NLGN1: variants seen among roughly 807,000 people sequenced by gnomAD.
NLGN1 encodes the protein neuroligin 1, also known as neuroligin-1.
NLGN1 carries 12 observed loss-of-function variants against 65.5 expected under a neutral mutation model. That is an observed-to-expected ratio of 0.18 (90% CI 0.12 to 0.30). NLGN1 has a LOEUF of 0.30. Ranked by LOEUF, NLGN1 falls within the 10% of genes least tolerant of loss-of-function variation. The pLI is 1.00. For synonymous variants in NLGN1, 350 were observed against 359.5 expected, an observed-to-expected ratio of 0.97 and a Z score of 0.30; for missense variants, 750 against 1,007.1, an observed-to-expected ratio of 0.74 and a Z score of 3.46.
chr3:173,721,537 C>T (rs1313236589), intron 3 of NLGN1, among the ~76,000 whole-genome samples: 1 of 152,100 alleles, frequency 6.6e-6, no homozygotes, highest in Non-Finnish European at 1.5e-5. Context: ...ATAATAGTAA[C>T]ACTAATTATA....
intron 2 of NLGN1, among the ~76,000 whole-genome samples, chr3:173,439,131 T>G (rs1718681393): frequency 1.3e-5 from 2 of 152,192 alleles, no homozygotes; most frequent in African/African-American, 4.8e-5. Flanking sequence ...GTCTGTTTAA[T>G]GCTTAGGCAA....
chr3:173,931,644 G>A (rs2152286950), intron 4 of NLGN1, among the ~76,000 whole-genome samples: 1 of 152,254 alleles, frequency 6.6e-6, no homozygotes, highest in South Asian at 2.1e-4. Context: ...AATAGAGTCA[G>A]AGAGTAGGAA....
intron 2 of NLGN1, among the ~76,000 whole-genome samples, chr3:173,453,988 T>C (rs1272675068): frequency 6.6e-6 from 1 of 152,220 alleles, no homozygotes; most frequent in Non-Finnish European, 1.5e-5. Context: ...ATAATAAGAC[T>C]TGAAAGTTGA....
At chr3:174,001,013 C>T (rs983816271) in intron 4 of NLGN1, among the ~76,000 whole-genome samples, 3 of 152,076 alleles carry the variant, frequency 2.0e-5, no homozygotes, top group Non-Finnish European at 4.4e-5. Flanking sequence ...ACTGCCTGTT[C>T]CCCACCCACC....
chr3:173,594,160 A>C (rs1319231237), intron 2 of NLGN1, among the ~76,000 whole-genome samples: 1 of 152,186 alleles, frequency 6.6e-6, no homozygotes, highest in Non-Finnish European at 1.5e-5. Flanking sequence ...AACTCATTCC[A>C]TAATTAACCA....
At chr3:174,146,727 C>T (rs561389434) in intron 4 of NLGN1, among the ~76,000 whole-genome samples, 5 of 152,034 alleles carry the variant, frequency 3.3e-5, no homozygotes, top group East Asian at 1.9e-4. Context: ...GCCACTGCGC[C>T]GGGCTAATTT....
At chr3:173,447,279 G>A (rs929868855) in intron 2 of NLGN1, among the ~76,000 whole-genome samples, 21 of 152,166 alleles carry the variant, frequency 1.4e-4, no homozygotes, top group South Asian at 6.2e-4. Context: ...AGCTTTCTAT[G>A]TATGGCTAGC....
chr3:173,741,546 G>A (rs1299795321), intron 3 of NLGN1, among the ~76,000 whole-genome samples: 1 of 152,058 alleles, frequency 6.6e-6, no homozygotes, highest in Non-Finnish European at 1.5e-5. Context: ...AGGTTGGAGT[G>A]CAGTGGCGCG....
chr3:173,980,564 T>C (rs370178310), intron 4 of NLGN1, among the ~76,000 whole-genome samples: 1 of 152,132 alleles, frequency 6.6e-6, no homozygotes, highest in East Asian at 1.9e-4. Flanking sequence ...TTCTTTCTTG[T>C]TGGATTGTTT....
At chr3:173,658,495 T>A (rs1371961811) in intron 3 of NLGN1, among the ~76,000 whole-genome samples, 1 of 152,020 alleles carries the variant, frequency 6.6e-6, no homozygotes, top group Non-Finnish European at 1.5e-5. Flanking sequence ...ATCTTTATAT[T>A]GAAGTTTTAT....
chr3:174,171,557 C>A (rs1023164056), intron 4 of NLGN1, among the ~76,000 whole-genome samples: 2 of 152,158 alleles, frequency 1.3e-5, no homozygotes, highest in Non-Finnish European at 2.9e-5. Context: ...TTAAAGAGAT[C>A]TTTAATGTTG....
At chr3:174,262,600 C>T (rs1472063945) in intron 4 of NLGN1, among the ~76,000 whole-genome samples, 40 of 151,202 alleles carry the variant, frequency 2.6e-4, no homozygotes, top group South Asian at 4.2e-4. Flanking sequence ...GTCTTGCTAG[C>T]GGTCTATCAA....
intron 4 of NLGN1, among the ~76,000 whole-genome samples, chr3:173,978,413 T>A (rs1718004523): frequency 6.6e-6 from 1 of 152,050 alleles, no homozygotes; most frequent in South Asian, 2.1e-4. Flanking sequence ...TATGCGAAGA[T>A]CCAAGTGCAG....
chr3:174,110,387 A>G (rs990186629), intron 4 of NLGN1, among the ~76,000 whole-genome samples: 2 of 151,840 alleles, frequency 1.3e-5, no homozygotes, highest in Non-Finnish European at 2.9e-5. Flanking sequence ...TGTTCGTTGT[A>G]TTTTTTCAGG....
At chr3:173,775,735 A>G (rs1236698428) in intron 3 of NLGN1, among the ~76,000 whole-genome samples, 1 of 152,156 alleles carries the variant, frequency 6.6e-6, no homozygotes. Flanking sequence ...GAAGTAGTTT[A>G]AAAACAATAA....
intron 3 of NLGN1, among the ~76,000 whole-genome samples, chr3:173,757,516 A>G: frequency 6.6e-6 from 1 of 152,054 alleles, no homozygotes; most frequent in Non-Finnish European, 1.5e-5. Context: ...TAAAATGTAG[A>G]ACATTATAGA....
At chr3:173,426,271 T>A (rs1350538082) in intron 1 of NLGN1, among the ~76,000 whole-genome samples, 4 of 152,150 alleles carry the variant, frequency 2.6e-5, no homozygotes, top group Non-Finnish European at 1.5e-5. Context: ...TTATGTCATC[T>A]GCAAACAAGG....
intron 3 of NLGN1, among the ~76,000 whole-genome samples, chr3:173,767,148 G>A (rs1778897523): frequency 1.3e-5 from 2 of 152,086 alleles, no homozygotes; most frequent in Non-Finnish European, 2.9e-5. Context: ...AACAAAAGAA[G>A]GGACTGGCGT....
intron 3 of NLGN1, among the ~76,000 whole-genome samples, chr3:173,718,648 T>G (rs1001621941): frequency 8.5e-5 from 13 of 152,142 alleles, no homozygotes; most frequent in African/African-American, 3.1e-4. Flanking sequence ...AGATTATGAT[T>G]CTTAAGTGTC....
Sources: gnomAD v4.1 joint callset for allele counts (sites outside exome capture counted in the v4.1 genomes callset) on GRCh38, gnomAD v4.1.1 for gene constraint, MANE v1.5 for transcripts, NCBI Gene and HGNC (gene_info 2026-07-23, HGNC 2026-07-21) for gene names.